SHROOM3: variants seen among roughly 807,000 people sequenced by gnomAD.
The protein encoded by SHROOM3 is protein Shroom3.
A neutral mutation model predicts 138.6 loss-of-function variants in SHROOM3; 47 were observed. The ratio of observed to expected loss-of-function variants is 0.34; its 90% CI spans 0.27 to 0.43. The LOEUF is 0.43. SHROOM3 is among the 20% of genes least tolerant of loss of function. The pLI is 1.00. For synonymous variants in SHROOM3, 1,062 were observed against 1,063.3 expected, an observed-to-expected ratio of 1.00 and a Z score of 0.02; for missense variants, 2,491 against 2,596.5, an observed-to-expected ratio of 0.96 and a Z score of 0.88.
At position 76,783,166 on chromosome 4, in the gene SHROOM3, GAATTT is replaced by G. The variant is rs1560629937; in HGVS notation, c.*3993_*3997del. On this transcript the variant is annotated 3_prime_UTR_variant, in exon 11 of 11. Coordinates refer to ENST00000296043, the MANE Select transcript of SHROOM3 (RefSeq NM_020859.4). The stretch of plus-strand genomic sequence containing the variant: ...GTTATGATCACAATAAGACTAACAT[GAATTT>G]AATAATCTGAATAATTTTTAAAATT... 1.3e-5 allele frequency: 2 copies of G among 152,024 alleles called. No individual in the cohort carries two copies. Among genetic ancestry groups the G allele is most frequent in the African/African-American group, 2.4e-5 (1 of 41,370 alleles). 9.4% of individuals were successfully genotyped at this position (152,024 alleles called of 1,614,324 possible). A position where few individuals can be genotyped will look rare whatever the true frequency, so the allele number is the denominator to read the frequency against.
chr4:76,775,797 T>C (rs1162927009), intron 10 of SHROOM3, among the ~76,000 whole-genome samples: 5 of 151,516 alleles, frequency 3.3e-5, no homozygotes, highest in Non-Finnish European at 7.4e-5. Flanking sequence ...CACATATATA[T>C]ACACACATAC....
intron 9 of SHROOM3, among the ~76,000 whole-genome samples, chr4:76,761,161 G>GT (rs1721977039): frequency 1.3e-5 from 2 of 152,076 alleles, no homozygotes. Context: ...CCAATAGGTA[G>GT]TTTTTTAACC....
chr4:76,778,710 T>C lies in SHROOM3; in HGVS notation c.5623-99T>C, dbSNP rs537198687. Reference sequence around the variant, plus strand: ...TAGGAGTGACAATAGGAATAGAGCTTAGATATTTCCCAGTCCTGTCAGAGG... The same window carrying C: ...TAGGAGTGACAATAGGAATAGAGCTCAGATATTTCCCAGTCCTGTCAGAGG... On this transcript the variant is annotated intron_variant, in intron 10 of 10. Transcript: ENST00000296043. 3.2e-5 allele frequency: 49 copies of C among 1,528,254 alleles called. No individual in the cohort carries two copies. In the South Asian group the frequency reaches 5.1e-4, roughly 16 times the overall value. The allele number at this position is 1,528,254 out of a possible 1,614,324, so 94.7% of individuals were successfully genotyped here.
At position 76,740,203 on chromosome 4, in the gene SHROOM3, G is replaced by A; in HGVS notation, c.2030G>A (p.Ser677Asn). The A allele has an allele frequency of 3.1e-6, 5 of 1,613,732 alleles. No individual in the cohort carries two copies. The South Asian group carries it at 5.5e-5, about 18-fold the overall frequency. The change falls in exon 5 of 11, where the codon AGC becomes AAC. Residue 677 changes from serine (S) to asparagine (N), a missense_variant. Physicochemically the swap from Ser to Asn is conservative, Grantham distance 46. Around this residue, in one of 4 missense-constraint regions of SHROOM3, gnomAD observed 1,733 missense variants for 1,661.6 expected, o/e 1.04. Transcript: ENST00000296043. This position sits in a 1 kb window ranked among gnomAD's most constrained non-coding sequence, Gnocchi z 4.0. ...NIPESLRRHSSLELGRGTQEG... is the reference protein window; with the variant it reads ...NIPESLRRHSNLELGRGTQEG... The stretch of plus-strand genomic sequence containing the variant: ...CCTGAGAGTCTGAGAAGACACAGCA[G>A]CCTGGAGCTAGGCCGGGGAACCCAG...
In SHROOM3 at chr4:76,754,459, G is replaced by A. The variant is rs1352522951; in HGVS notation, c.3976G>A (p.Ala1326Thr). Residue 1326 changes from alanine to threonine, a missense_variant, in exon 7 of 11, where the codon GCC becomes ACC. Around this residue, in one of 4 missense-constraint regions of SHROOM3, gnomAD observed 1,733 missense variants for 1,661.6 expected, o/e 1.04. Transcript: ENST00000296043. ...CPGTLDHQRQ[A>T]SRTPCPRPPL... is the part of the protein sequence containing the mutation. The stretch of plus-strand genomic sequence containing the variant: ...TGGAACCCTGGACCATCAGAGGCAA[G>A]CCAGTAGGACACCCTGCCCCAGGCC... The A allele has an allele frequency of 1.2e-6, 2 of 1,614,184 alleles. No individual in the cohort carries two copies.
At chr4:76,445,419 T>C (rs1730785459) in intron 1 of SHROOM3, among the ~76,000 whole-genome samples, 2 of 152,166 alleles carry the variant, frequency 1.3e-5, no homozygotes, top group Non-Finnish European at 2.9e-5. Flanking sequence ...TCCAGAGTGA[T>C]AGTGTCTGTG....
At chr4:76,757,081 G>A (rs1721840707) in intron 8 of SHROOM3, 144 bp downstream of exon 8, 1 of 1,311,066 alleles carries the variant, frequency 7.6e-7, no homozygotes. Flanking sequence ...AGTCTTGGAG[G>A]AATGGCTCTG....
Position 76,435,746 on chromosome 4 carries a change from G to C in SHROOM3, c.-307G>C. ...TAAAAGCTCAGAAAAGCAATCTTCA[G>C]AGCGCCACTGAAGGAAGTTTTGACG... is the stretch of plus-strand genomic sequence containing the variant. On this transcript the variant is annotated 5_prime_UTR_variant, in exon 1 of 11. Coordinates refer to ENST00000296043, the MANE Select transcript of SHROOM3 (RefSeq NM_020859.4). 3.7e-6 allele frequency: 1 copy of C among 273,884 alleles called. No individual in the cohort carries two copies. Among genetic ancestry groups the C allele is most frequent in the Non-Finnish European group, 6.9e-6 (1 of 145,712 alleles). 17.0% of individuals were successfully genotyped at this position (273,884 alleles called of 1,614,324 possible).
chr4:76,676,621 A>G (rs1270616353), intron 2 of SHROOM3, among the ~76,000 whole-genome samples: 4 of 152,098 alleles, frequency 2.6e-5, no homozygotes, highest in Admixed American at 2.0e-4. Flanking sequence ...GATTGGCGTT[A>G]AGGAAAGGAT....
At chr4:76,470,487 A>C (rs550516839) in intron 1 of SHROOM3, among the ~76,000 whole-genome samples, 1 of 152,342 alleles carries the variant, frequency 6.6e-6, no homozygotes, top group African/African-American at 2.4e-5. Context: ...AGAAAAAATG[A>C]CATACAATCA....
chr4:76,514,682 T>G (rs762366999), intron 1 of SHROOM3, among the ~76,000 whole-genome samples: 7 of 152,208 alleles, frequency 4.6e-5, no homozygotes, highest in South Asian at 2.1e-4. Flanking sequence ...GAATTACATC[T>G]CAATAATATA....
chr4:76,719,017 A>G (rs529808267), intron 3 of SHROOM3, among the ~76,000 whole-genome samples: 2 of 152,038 alleles, frequency 1.3e-5, no homozygotes, highest in Non-Finnish European at 1.5e-5. Context: ...TCTGCTGGAT[A>G]GAGGGGAGAA....
intron 2 of SHROOM3, among the ~76,000 whole-genome samples, chr4:76,665,487 G>T (rs977475393): frequency 6.6e-6 from 1 of 152,206 alleles, no homozygotes; most frequent in South Asian, 2.1e-4. Context: ...GATCCATATG[G>T]ACTTCCTGCA....
intron 2 of SHROOM3, among the ~76,000 whole-genome samples, chr4:76,615,877 G>A (rs568173462): frequency 4.6e-5 from 7 of 152,242 alleles, no homozygotes; most frequent in Admixed American, 1.3e-4. Flanking sequence ...CAACGCCTTC[G>A]CTTCAAGGAA....
At position 76,749,000 on chromosome 4, in the gene SHROOM3, C is replaced by G. The variant is rs1721539051; in HGVS notation, c.3754-17C>G. On this transcript the variant is annotated splice_polypyrimidine_tract_variant and intron_variant, in intron 5 of 10. Transcript: ENST00000296043. ...CCGTTTATTGGCAGTAATGCTGTGC[C>G]TTTCTTGTGTTTCAAGGATGTGCTT... 1 of 1,613,150 alleles carries G rather than the reference C, an allele frequency of 6.2e-7. No homozygotes were observed. Among genetic ancestry groups the G allele is most frequent in the African/African-American group, 1.3e-5 (1 of 74,824 alleles).
At chr4:76,721,148 A>G (rs1720537708) in intron 3 of SHROOM3, among the ~76,000 whole-genome samples, 1 of 151,524 alleles carries the variant, frequency 6.6e-6, no homozygotes, top group Admixed American at 6.6e-5. Flanking sequence ...CGTCTCTACT[A>G]AAAATACAAA....
At chr4:76,672,977 G>C (rs1249321302) in intron 2 of SHROOM3, among the ~76,000 whole-genome samples, 6 of 152,236 alleles carry the variant, frequency 3.9e-5, no homozygotes, top group African/African-American at 1.4e-4. Flanking sequence ...CAAACTAAAG[G>C]GAGCATACAT....
intron 1 of SHROOM3, among the ~76,000 whole-genome samples, chr4:76,546,389 G>T (rs973192145): frequency 6.6e-6 from 1 of 152,174 alleles, no homozygotes; most frequent in Non-Finnish European, 1.5e-5. Flanking sequence ...GTACCCTGTG[G>T]CACTCATTGC....
chr4:76,673,682 A>T (rs962224690), intron 2 of SHROOM3, among the ~76,000 whole-genome samples: 1 of 152,150 alleles, frequency 6.6e-6, no homozygotes, highest in African/African-American at 2.4e-5. Context: ...AAAAATTTTA[A>T]TTGTGATGAA....
Sources: gnomAD v4.1 joint callset for allele counts (sites outside exome capture counted in the v4.1 genomes callset) on GRCh38, gnomAD v4.1.1 for gene constraint, gnomAD v4.1.1 regional missense constraint, Gnocchi (gnomAD v3.1) non-coding constraint, MANE v1.5 for transcripts, NCBI Gene and HGNC (gene_info 2026-07-23, HGNC 2026-07-21) for gene names.